The following USP32 variants were observed in gnomAD, a reference collection of about 807,000 sequenced individuals.
USP32 encodes the protein ubiquitin specific peptidase 32.
In USP32, 59 loss-of-function variants were observed where a neutral mutation model predicts 204.8. The observed-to-expected ratio is 0.29, with a 90% CI of 0.23 to 0.36. USP32 has a LOEUF of 0.36. Among genes scored for constraint, USP32 ranks in the 10% least tolerant of loss-of-function variants. The pLI is 1.00. For synonymous variants in USP32, 517 were observed against 678.4 expected (o/e 0.76, Z 3.70); for missense variants, 1,160 against 1,946.4 (o/e 0.60, Z 7.60).
intron 5 of USP32, among the ~76,000 whole-genome samples, chr17:60,287,372 C>A (rs1354726191): frequency 1.3e-5 from 2 of 152,162 alleles, no homozygotes; most frequent in Non-Finnish European, 2.9e-5. Context: ...CAATGAGTAT[C>A]CTCCATGTAT....
At chr17:60,278,315 T>C (rs914013876) in intron 5 of USP32, among the ~76,000 whole-genome samples, 3 of 151,972 alleles carry the variant, frequency 2.0e-5, no homozygotes, top group Non-Finnish European at 4.4e-5. Context: ...ACAAGACAAT[T>C]ATGTTTAGAG....
chr17:60,177,927 GT>G lies in USP32; in HGVS notation c.*1327del, dbSNP rs2084006336. Among the ~76,000 whole-genome samples the G allele has an allele frequency of 6.6e-6, 1 of 151,802 alleles. No individual in the cohort carries two copies. Among genetic ancestry groups the G allele is most frequent in the Admixed American group, 6.6e-5 (1 of 15,238 alleles). On this transcript the variant is annotated 3_prime_UTR_variant, in exon 34 of 34. Coordinates refer to ENST00000300896, the MANE Select transcript of USP32 (RefSeq NM_032582.4). ...TGAATAAACAAAGACCAAAAATAAG[GT>G]GAAACATTTCCTTCAAGTATATATT...
chr17:60,336,931 G>T (rs1477702996), intron 2 of USP32, among the ~76,000 whole-genome samples: 1 of 152,112 alleles, frequency 6.6e-6, no homozygotes, highest in Non-Finnish European at 1.5e-5. Flanking sequence ...TAACAAAAAT[G>T]TTAGCTGCTT....
At position 60,413,721 on chromosome 17, in the gene USP32, T is replaced by C. The variant is rs189973441; in HGVS notation, c.106+8525A>G. On this transcript the variant is annotated intron_variant, in intron 1 of 3. Transcript: ENST00000588898. The stretch of plus-strand genomic sequence containing the variant: ...CTCTACTAAAAATACAAAAATCAGC[T>C]GGGCATGGCAGCGTGTGCCTGTAAT... Among the ~76,000 whole-genome samples the C allele has an allele frequency of 4.3e-3, 647 of 151,826 alleles. 7 individuals are homozygous for C. Among genetic ancestry groups the C allele is most frequent in the South Asian group, 0.016 (79 of 4,814 alleles).
intron 12 of USP32, chr17:60,231,531 G>T: frequency 1.9e-6 from 1 of 513,796 alleles, no homozygotes; most frequent in Non-Finnish European, 3.9e-6. Context: ...TCTGAGGCAG[G>T]AAAACAAGGC....
chr17:60,399,238 C>T (rs1226794294), intron 1 of USP32, among the ~76,000 whole-genome samples: 1 of 152,030 alleles, frequency 6.6e-6, no homozygotes, highest in Admixed American at 6.6e-5. Context: ...AGCTCCTGCT[C>T]TCATGGAATT....
At chr17:60,211,666 A>G in intron 19 of USP32, 152 bp from the exon 20 acceptor site, 2 of 1,264,806 alleles carry the variant, frequency 1.6e-6, no homozygotes, top group Non-Finnish European at 2.1e-6. Context: ...AATGCTAGAG[A>G]AGGCTTTTCA....
intron 1 of USP32, among the ~76,000 whole-genome samples, chr17:60,408,361 C>T (rs1268600757): frequency 3.3e-5 from 5 of 152,006 alleles, no homozygotes; most frequent in African/African-American, 1.2e-4. Context: ...GAACTTGTAA[C>T]CACATCGTAT....
chr17:60,273,910 A>C (rs1233969224), intron 5 of USP32, among the ~76,000 whole-genome samples: 1 of 122,344 alleles, frequency 8.2e-6, no homozygotes, highest in Non-Finnish European at 1.7e-5. Flanking sequence ...CAGTGAGCCG[A>C]GATTGCGCCA....
At chr17:60,344,838 A>G (rs1476290118) in intron 2 of USP32, among the ~76,000 whole-genome samples, 2 of 151,936 alleles carry the variant, frequency 1.3e-5, no homozygotes, top group East Asian at 3.9e-4. Flanking sequence ...CTTTTATTTT[A>G]TTTTTTTTAG....
chr17:60,286,973 C>A (rs1215620494), intron 5 of USP32, among the ~76,000 whole-genome samples: 1 of 152,088 alleles, frequency 6.6e-6, no homozygotes, highest in Non-Finnish European at 1.5e-5. Flanking sequence ...CATGGTGAAA[C>A]CCCTTCTCTG....
rs763974987 is a variant in USP32 at position 60,223,493 on chromosome 17, T to C, written c.1526A>G (p.Asn509Ser). ...GTTAAGGTGCAACAAAATATTCCCATTGGCTCCCAGCAAACACTGGTTGTT... is the reference window on the plus strand; with the variant it reads ...GTTAAGGTGCAACAAAATATTCCCACTGGCTCCCAGCAAACACTGGTTGTT... ...DNNNQCLLGA[N>S]GNILLHLNPQ... is the part of the protein sequence containing the mutation. Residue 509 changes from asparagine to serine, a missense_variant, in exon 14 of 34, where the codon AAT becomes AGT. Around this residue, in one of 8 missense-constraint regions of USP32, gnomAD observed 536 missense variants for 680.9 expected, o/e 0.79. Coordinates refer to ENST00000300896, the MANE Select transcript of USP32 (RefSeq NM_032582.4). 30 of 1,613,850 alleles carry C rather than the reference T, an allele frequency of 1.9e-5. No individual in the cohort carries two copies. The highest frequency in any genetic ancestry group is 9.9e-5 in the South Asian group (9 of 91,048).
At chr17:60,268,338 G>A (rs1257146187) in intron 7 of USP32, among the ~76,000 whole-genome samples, 1 of 151,850 alleles carries the variant, frequency 6.6e-6, no homozygotes, top group Non-Finnish European at 1.5e-5. Context: ...GAAGGCTGAG[G>A]TGGGCGGATC....
rs1303041189 is a variant in USP32 at position 60,265,920 on chromosome 17, C to T, written c.927+56G>A. On this transcript the variant is annotated intron_variant, in intron 8 of 33. Coordinates refer to ENST00000300896, the MANE Select transcript of USP32 (RefSeq NM_032582.4). ...TTATGCTTTTAAAGAAAATGATTCC[C>T]TCCAATTTCCCATTGGAAGTTTATA... 17 of 1,331,192 alleles carry T rather than the reference C, an allele frequency of 1.3e-5. No individual in the cohort carries two copies. The African/African-American group carries it at 2.2e-4, about 17-fold the overall frequency. 82.5% of individuals were successfully genotyped at this position (1,331,192 alleles called of 1,614,324 possible).
chr17:60,301,451 T>G (rs1271690328), intron 3 of USP32, 148 bp downstream of exon 3: 1 of 521,048 alleles, frequency 1.9e-6, no homozygotes, highest in African/African-American at 2.0e-5. Flanking sequence ...AATGACTAAT[T>G]ATGTTGCACA....
intron 2 of USP32, among the ~76,000 whole-genome samples, chr17:60,339,583 C>CAA (rs1420937665): frequency 0.023 from 1,506 of 65,882 alleles, 41 homozygotes; most frequent in African/African-American, 0.063. Context: ...AACTCCATCT[C>CAA]AAAAAAAAAA....
intron 2 of USP32, among the ~76,000 whole-genome samples, chr17:60,318,862 A>G (rs1007904743): frequency 1.9e-4 from 29 of 152,234 alleles, no homozygotes; most frequent in African/African-American, 6.5e-4. Context: ...TGAAAAATTG[A>G]CCACTTTTTA....
At chr17:60,327,133 A>G (rs1036634074) in intron 2 of USP32, among the ~76,000 whole-genome samples, 3 of 152,248 alleles carry the variant, frequency 2.0e-5, no homozygotes, top group East Asian at 3.8e-4. Flanking sequence ...AGATTTTTTA[A>G]TGTTCCCAAC....
chr17:60,326,455 C>T (rs943694237), intron 2 of USP32, among the ~76,000 whole-genome samples: 13 of 152,154 alleles, frequency 8.5e-5, no homozygotes, highest in Non-Finnish European at 1.5e-4. Flanking sequence ...GGATTACAGG[C>T]ACCGACAACC....
Sources: allele counts gnomAD v4.1 joint callset (sites outside exome capture counted in the v4.1 genomes callset), GRCh38; gene constraint gnomAD v4.1.1; regional missense constraint gnomAD v4.1.1; transcripts MANE v1.5; gene names NCBI Gene and HGNC (gene_info 2026-07-23, HGNC 2026-07-21).